DCDC2C: variants seen among roughly 807,000 people sequenced by gnomAD.
DCDC2C encodes the protein doublecortin domain-containing protein 2C.
In DCDC2C, 44 loss-of-function variants were observed where a neutral mutation model predicts 45.0. The ratio of observed to expected loss-of-function variants is 0.98; its 90% CI spans 0.77 to 1.26. The LOEUF is 1.26. Among genes scored for constraint, DCDC2C ranks in the 50% most tolerant of loss-of-function variants. The pLI is 0.00. For synonymous variants in DCDC2C, 187 were observed against 178.8 expected, an observed-to-expected ratio of 1.05 and a Z score of -0.37; for missense variants, 447 against 468.9, an observed-to-expected ratio of 0.95 and a Z score of 0.43.
intron 10 of DCDC2C, among the ~76,000 whole-genome samples, chr2:3,829,287 T>TC (rs1005462441): frequency 2.0e-5 from 3 of 148,490 alleles, no homozygotes; most frequent in South Asian, 2.1e-4. Context: ...TCTTTTTCTT[T>TC]TTTTTTTTTT....
intron 10 of DCDC2C, among the ~76,000 whole-genome samples, chr2:3,831,249 T>A (rs2148234845): frequency 6.6e-6 from 1 of 152,338 alleles, no homozygotes; most frequent in East Asian, 1.9e-4. Flanking sequence ...AACATGTACT[T>A]ACAGCTGTGC....
intron 2 of DCDC2C, among the ~76,000 whole-genome samples, chr2:3,709,934 C>T (rs1668162861): frequency 6.6e-6 from 1 of 152,066 alleles, no homozygotes; most frequent in Non-Finnish European, 1.5e-5. Context: ...TGAGCAGGCA[C>T]ACCAGGATGT....
chr2:3,817,015 A>T lies in DCDC2C; in HGVS notation c.1066-30139A>T, dbSNP rs191959931. ...AGAATGGGCCTGTGAGGCTGGAAGG[A>T]GATATTTTCCTTGGTCCAAGAACCA... On this transcript the variant is annotated intron_variant, in intron 10 of 10. Transcript: ENST00000399143. Among the ~76,000 whole-genome samples, 844 of 152,296 alleles carry T rather than the reference A, an allele frequency of 5.5e-3. 7 individuals are homozygous for T. Among genetic ancestry groups the T allele is most frequent in the African/African-American group, 0.019 (803 of 41,564 alleles).
chr2:3,740,338 C>G (rs1669167774), intron 3 of DCDC2C, among the ~76,000 whole-genome samples: 1 of 152,178 alleles, frequency 6.6e-6, no homozygotes, highest in Non-Finnish European at 1.5e-5. Flanking sequence ...TGTGGGATGA[C>G]TGGGTTAGTG....
intron 10 of DCDC2C, among the ~76,000 whole-genome samples, chr2:3,842,439 G>T (rs964832913): frequency 6.6e-6 from 1 of 152,050 alleles, no homozygotes; most frequent in South Asian, 2.1e-4. Flanking sequence ...GGTGAGGAAG[G>T]GGGTGGTGGG....
intron 10 of DCDC2C, among the ~76,000 whole-genome samples, chr2:3,819,315 G>A (rs372442115): frequency 1.6e-4 from 25 of 152,342 alleles, no homozygotes; most frequent in African/African-American, 3.4e-4. Context: ...GAGGAATCCC[G>A]GGCTGTGGGC....
At chr2:3,708,506 ATATCTTC>A in intron 1 of DCDC2C, 36 bp from the exon 2 acceptor site, 1 of 1,458,546 alleles carries the variant, frequency 6.9e-7, no homozygotes, top group Non-Finnish European at 9.3e-7. Context: ...TTCTATGTAA[ATATCTTC>A]CTTCTAATGA....
intron 10 of DCDC2C, among the ~76,000 whole-genome samples, chr2:3,837,269 G>C (rs891601051): frequency 2.0e-5 from 3 of 152,202 alleles, no homozygotes. Context: ...TCAATCAATC[G>C]AGTTGAATTT....
chr2:3,752,735 A>C (rs1052666207), intron 4 of DCDC2C, 28 bp from the exon 5 acceptor site: 1 of 1,549,532 alleles, frequency 6.5e-7, no homozygotes, highest in African/African-American at 1.4e-5. Context: ...TCAAGTCTCT[A>C]TCTCATTTCT....
intron 2 of DCDC2C, among the ~76,000 whole-genome samples, chr2:3,722,130 T>C (rs976074698): frequency 2.0e-5 from 3 of 152,216 alleles, no homozygotes; most frequent in Admixed American, 2.0e-4. Context: ...TAGCATTGCA[T>C]GCAGGAGGCA....
At chr2:3,748,205 T>A (rs1294058900) in intron 4 of DCDC2C, among the ~76,000 whole-genome samples, 1 of 152,028 alleles carries the variant, frequency 6.6e-6, no homozygotes, top group Non-Finnish European at 1.5e-5. Flanking sequence ...ACCACCTGAC[T>A]CCGGGGTGGG....
intron 10 of DCDC2C, among the ~76,000 whole-genome samples, chr2:3,839,571 C>T (rs1449269259): frequency 6.6e-6 from 1 of 152,112 alleles, no homozygotes; most frequent in African/African-American, 2.4e-5. Flanking sequence ...TCTTGGTGGC[C>T]TCTGACCTCA....
At chr2:3,820,260 C>G (rs537668549) in intron 10 of DCDC2C, among the ~76,000 whole-genome samples, 2 of 152,006 alleles carry the variant, frequency 1.3e-5, no homozygotes, top group Non-Finnish European at 1.5e-5. Flanking sequence ...GTATTGGGGC[C>G]AAGTGGTGTT....
At chr2:3,843,551 G>C (rs1360615274) in intron 10 of DCDC2C, among the ~76,000 whole-genome samples, 1 of 152,176 alleles carries the variant, frequency 6.6e-6, no homozygotes, top group Non-Finnish European at 1.5e-5. Flanking sequence ...CCATAGGAAA[G>C]GTAATGTTAG....
At chr2:3,835,616 A>T (rs1389426106) in intron 10 of DCDC2C, among the ~76,000 whole-genome samples, 1 of 152,254 alleles carries the variant, frequency 6.6e-6, no homozygotes, top group African/African-American at 2.4e-5. Flanking sequence ...AAAGGAAGTA[A>T]CAGTGAACTA....
At chr2:3,764,237 A>AAT (rs1669959145) in intron 6 of DCDC2C, among the ~76,000 whole-genome samples, 1 of 152,226 alleles carries the variant, frequency 6.6e-6, no homozygotes, top group Admixed American at 6.5e-5. Context: ...AAGTAAGTGC[A>AAT]ATACTAGGAT....
chr2:3,778,006 ACAGGAGGCGCCAGGGCC>A, intron 8 of DCDC2C, among the ~76,000 whole-genome samples: 1 of 150,814 alleles, frequency 6.6e-6, no homozygotes, highest in African/African-American at 2.4e-5. Flanking sequence ...CAGTCAGGAA[ACAGGAGGCGCCAGGGCC>A]TCCATCAGTA....
At chr2:3,731,741 G>A (rs1668874306) in intron 3 of DCDC2C, among the ~76,000 whole-genome samples, 1 of 152,186 alleles carries the variant, frequency 6.6e-6, no homozygotes, top group Non-Finnish European at 1.5e-5. Context: ...ACAGGGACAT[G>A]GAGGATTCCC....
rs150871031 is a variant in DCDC2C at position 3,838,680 on chromosome 2, C to T, written c.1066-8474C>T. ...TGCAAGAACGGCCCCTACCCACTTC[C>T]GTGGCTGGTGGTTCAAGCGTGTGGA... On this transcript the variant is annotated intron_variant, in intron 10 of 10. Transcript: ENST00000399143. 5.6e-3 allele frequency among the ~76,000 whole-genome samples: 855 copies of T among 152,228 alleles called. 10 individuals carry two copies. The highest frequency in any genetic ancestry group is 0.02 in the African/African-American group (812 of 41,554).
Sources: allele counts gnomAD v4.1 joint callset (sites outside exome capture counted in the v4.1 genomes callset), GRCh38; gene constraint gnomAD v4.1.1; transcripts MANE v1.5; gene names NCBI Gene and HGNC (gene_info 2026-07-23, HGNC 2026-07-21).